The following COQ2 variants were observed in gnomAD, a reference collection of about 807,000 sequenced individuals.
COQ2 encodes the protein coenzyme Q2, polyprenyltransferase, also known as 4-hydroxybenzoate polyprenyltransferase, mitochondrial.
A neutral mutation model predicts 35.7 loss-of-function variants in COQ2; 25 were observed. That is an observed-to-expected ratio of 0.70 (90% CI 0.51 to 0.98). COQ2 has a LOEUF of 0.98. COQ2 is among the 50% of genes least tolerant of loss of function. COQ2 has a pLI of 0.00. For missense variants in COQ2, 488 were observed against 473.5 expected (o/e 1.03, Z -0.28); for synonymous variants, 206 against 186.2 (o/e 1.11, Z -0.86).
intron 6 of COQ2, among the ~76,000 whole-genome samples, chr4:83,265,669 T>C (rs1221705021): frequency 6.6e-6 from 1 of 152,164 alleles, no homozygotes; most frequent in East Asian, 1.9e-4. Context: ...TTCTTTTTTC[T>C]TCCTTTGTTT....
rs993903972 is a variant in COQ2, at chr4:83,284,073, CT to C, written c.253+438del. The C allele has an allele frequency of 2.5e-5, 25 of 985,448 alleles. No homozygotes were observed. In the African/African-American group the frequency reaches 3.8e-4, roughly 15 times the overall value. The allele number at this position is 985,448 out of a possible 1,614,324, so 61.0% of individuals were successfully genotyped here. On this transcript the variant is annotated intron_variant, in intron 1 of 6. Coordinates refer to ENST00000647002, the MANE Select transcript of COQ2 (RefSeq NM_001358921.2). ...GCGTCTTAACTGTCTTAAGGATTGT[CT>C]TTGTGGGCCTTACAAGATTGCGGGG...
chr4:83,279,107 C>T lies in COQ2; in HGVS notation c.261G>A (p.Trp87Ter), dbSNP rs867410805. The change falls in exon 2 of 7, where the codon TGG (tryptophan) becomes TGA (stop). Residue 87 changes from tryptophan to a stop codon, truncating the protein, a stop_gained. Coordinates refer to ENST00000647002, the MANE Select transcript of COQ2 (RefSeq NM_001358921.2). LOFTEE classifies it high-confidence loss of function. ...LMRLDKPIGTWLLYLPCTWSI... is the reference protein window; with the variant it reads ...LMRLDKPIGT ...TCCAGGTACATGGTAAATACAGAAG[C>T]CAGGTTCCTAAGCAAAAATAAAAAG... The T allele has an allele frequency of 2.6e-6, 4 of 1,555,972 alleles. No homozygotes were observed. Among genetic ancestry groups the T allele is most frequent in the Non-Finnish European group, 3.5e-6 (4 of 1,155,170 alleles).
chr4:83,267,497 G>A (rs1351834136), intron 6 of COQ2, 89 bp downstream of exon 6: 1 of 1,208,350 alleles, frequency 8.3e-7, no homozygotes. Flanking sequence ...GAAGTTCCTT[G>A]CCAGGTAAAC....
intron 4 of COQ2, among the ~76,000 whole-genome samples, chr4:83,271,350 C>A (rs1735043570): frequency 6.6e-6 from 1 of 152,140 alleles, no homozygotes. Flanking sequence ...AAGAGACTGT[C>A]TAACTTCTTC....
At chr4:83,268,395 T>C (rs1734972441) in intron 5 of COQ2, among the ~76,000 whole-genome samples, 1 of 152,184 alleles carries the variant, frequency 6.6e-6, no homozygotes, top group Non-Finnish European at 1.5e-5. Context: ...AGCATCTCCA[T>C]ATACTGTTGT....
At position 83,268,081 on chromosome 4, in the gene COQ2, C is replaced by G. The variant is rs76591616; in HGVS notation, c.763-307G>C. 0.021 allele frequency among the ~76,000 whole-genome samples: 3,187 copies of G among 152,272 alleles called. 121 individuals carry two copies. The highest frequency in any genetic ancestry group is 0.072 in the African/African-American group (2,971 of 41,538). ...TATACACCATTATATTTGTTATAATCCTATAATGACTCTTAACCATATTTT... is the reference window on the plus strand; with the variant it reads ...TATACACCATTATATTTGTTATAATGCTATAATGACTCTTAACCATATTTT... On this transcript the variant is annotated intron_variant, in intron 5 of 6. Transcript: ENST00000647002.
chr4:83,267,901 A>C (rs1734962070), intron 5 of COQ2, 127 bp from the exon 6 acceptor site: 1 of 700,920 alleles, frequency 1.4e-6, no homozygotes, highest in African/African-American at 1.8e-5. Flanking sequence ...AATTACCACT[A>C]ACTACTTTCA....
intron 1 of COQ2, chr4:83,281,419 C>T (rs1354655363): frequency 6.6e-6 from 1 of 152,106 alleles, no homozygotes; most frequent in Non-Finnish European, 1.5e-5. Flanking sequence ...TTAAAAGTAC[C>T]GTATTCACTT....
intron 1 of COQ2, chr4:83,284,232 G>GA: frequency 1.0e-6 from 1 of 985,484 alleles, no homozygotes; most frequent in Non-Finnish European, 1.2e-6. Flanking sequence ...AGACAGACGT[G>GA]AAACTGGCGG....
rs367754638 is a variant in COQ2 at position 83,277,325 on chromosome 4, A to G, written c.420+1623T>C. ...CATATCCTCCAGCCACACACAGACCATGTAGTTGCTGCTATCAAACGCATA... is the reference window on the plus strand; with the variant it reads ...CATATCCTCCAGCCACACACAGACCGTGTAGTTGCTGCTATCAAACGCATA... On this transcript the variant is annotated intron_variant, in intron 2 of 6. Transcript: ENST00000647002. 5.9e-5 allele frequency among the ~76,000 whole-genome samples: 9 copies of G among 152,142 alleles called. No individual in the cohort carries two copies. The East Asian group carries it at 1.5e-3, about 26-fold the overall frequency.
Position 83,278,978 on chromosome 4 carries a change from A to T in COQ2, c.390T>A (p.Asn130Lys). 1.2e-6 allele frequency: 2 copies of T among 1,606,528 alleles called. No individual in the cohort carries two copies. The highest frequency in any genetic ancestry group is 1.7e-6 in the Non-Finnish European group (2 of 1,176,894). Reference sequence around the variant, plus strand: ...TATCATAGTCCTGGTCCCACATGTCATTAATAGTACAGCCTGCTCCACGCA... The same window carrying T: ...TATCATAGTCCTGGTCCCACATGTCTTTAATAGTACAGCCTGCTCCACGCA... ...ILMRGAGCTINDMWDQDYDKK... is the reference protein window; with the variant it reads ...ILMRGAGCTIKDMWDQDYDKK... Residue 130 changes from asparagine (N) to lysine (K), a missense_variant, in exon 2 of 7, where the codon AAT becomes AAA. Physicochemically the swap from Asn to Lys is moderately conservative, Grantham distance 94. Coordinates refer to ENST00000647002, the MANE Select transcript of COQ2 (RefSeq NM_001358921.2).
chr4:83,283,286 T>G (rs1735372077), intron 1 of COQ2: 2 of 985,324 alleles, frequency 2.0e-6, no homozygotes, highest in African/African-American at 3.5e-5. Flanking sequence ...TACACTGCAA[T>G]GGCAAATGTC....
At position 83,273,604 on chromosome 4, in the gene COQ2, G is replaced by A; in HGVS notation, c.434C>T (p.Ala145Val). ...GTCTCCAGCGGCTATTGGACGATTG[G>A]CTGTTCTTGTAACCTTAAAACATAA... ...QDYDKKVTRT[A>V]NRPIAAGDIS... is the part of the protein sequence containing the mutation. Residue 145 changes from alanine to valine, a missense_variant, in exon 3 of 7, where the codon GCC (alanine) becomes GTC (valine). Transcript: ENST00000647002. 1 of 1,613,248 alleles carries A rather than the reference G, an allele frequency of 6.2e-7. No individual in the cohort carries two copies. The highest frequency in any genetic ancestry group is 8.5e-7 in the Non-Finnish European group (1 of 1,179,586).
chr4:83,283,335 C>G, intron 1 of COQ2: 30 of 985,412 alleles, frequency 3.0e-5, no homozygotes, highest in Non-Finnish European at 3.6e-5. Context: ...TCACTTCTTC[C>G]TCCACGCTAT....
In COQ2 at chr4:83,267,626, T is replaced by C. The variant is rs551429497; in HGVS notation, c.911A>G (p.Tyr304Cys). 8 of 1,586,372 alleles carry C rather than the reference T, an allele frequency of 5.0e-6. No individual in the cohort carries two copies. The highest frequency in any genetic ancestry group is 2.7e-5 in the African/African-American group (2 of 74,236). The stretch of plus-strand genomic sequence containing the variant: ...GGCTCCTACAGCACCCAGGGCAGCG[T>C]AGTAGGGAGCAGTCTGTCCACTGTT... ...GVNSGQTAPY[Y>C]AALGAVGAHL... The change falls in exon 6 of 7, where the codon TAC becomes TGC. Residue 304 changes from tyrosine (Y) to cysteine (C), a missense_variant. Coordinates refer to ENST00000647002, the MANE Select transcript of COQ2 (RefSeq NM_001358921.2).
intron 1 of COQ2, chr4:83,283,708 G>A (rs1735382467): frequency 3.0e-6 from 3 of 985,364 alleles, no homozygotes; most frequent in Non-Finnish European, 3.6e-6. Flanking sequence ...TCTATGGCCG[G>A]ACAACGTAGT....
At chr4:83,274,075 G>A (rs2126173806) in intron 2 of COQ2, among the ~76,000 whole-genome samples, 1 of 151,546 alleles carries the variant, frequency 6.6e-6, no homozygotes, top group South Asian at 2.1e-4. Context: ...AGGATTGCTT[G>A]AGCCTAGGAG....
rs370078530 is a variant in COQ2, at chr4:83,269,854, C to A, written c.762+6G>T. ...AACCAAAGTTAAGAAAAGATAATTT[C>A]TTTACCTGATGGGCATAAATAGTAT... is the stretch of plus-strand genomic sequence containing the variant. On this transcript the variant is annotated splice_donor_region_variant and intron_variant, in intron 5 of 6. Transcript: ENST00000647002. 68 of 1,552,670 alleles carry A rather than the reference C, an allele frequency of 4.4e-5. No homozygotes were observed. Among genetic ancestry groups the A allele is most frequent in the Middle Eastern group, 1.7e-4 (1 of 5,940 alleles).
intron 1 of COQ2, chr4:83,283,687 C>T (rs867618857): frequency 1.0e-6 from 1 of 985,380 alleles, no homozygotes; most frequent in Middle Eastern, 5.2e-4. Context: ...GTTTCCATAG[C>T]TTTTTCTATC....
Sources: gnomAD v4.1 joint callset for allele counts (sites outside exome capture counted in the v4.1 genomes callset) on GRCh38, gnomAD v4.1.1 for gene constraint, MANE v1.5 for transcripts, NCBI Gene and HGNC (gene_info 2026-07-23, HGNC 2026-07-21) for gene names.